Variants in MYO1B observed in about 807,000 individuals in gnomAD.
The protein encoded by MYO1B is unconventional myosin-Ib.
MYO1B carries 72 observed loss-of-function variants against 159.7 expected under a neutral mutation model. The ratio of observed to expected loss-of-function variants is 0.45; its 90% CI spans 0.37 to 0.55. MYO1B has a LOEUF of 0.55. MYO1B is among the 20% of genes least tolerant of loss of function. The pLI is 0.00. For missense variants in MYO1B, 1,062 were observed against 1,364.8 expected (o/e 0.78, Z 3.50); for synonymous variants, 468 against 473.8 (o/e 0.99, Z 0.16).
Position 191,387,228 on chromosome 2 carries a change from T to G in MYO1B, c.1559T>G (p.Leu520Arg). 2.5e-6 allele frequency: 4 copies of G among 1,613,812 alleles called. No homozygotes were observed. Among genetic ancestry groups the G allele is most frequent in the Non-Finnish European group, 3.4e-6 (4 of 1,179,752 alleles). The change falls in exon 17 of 31, where the codon CTG (leucine) becomes CGG (arginine). Residue 520 changes from leucine to arginine, a missense_variant. Physicochemically the swap from Leu to Arg is moderately radical, Grantham distance 102. Transcript: ENST00000392318. ...FRIQHYAGKVLYQVEGFVDKN... is the reference protein window; with the variant it reads ...FRIQHYAGKVRYQVEGFVDKN... ...AGTTACATGTGCTGCTTATAGGTGC[T>G]GTACCAGGTGGAAGGATTCGTTGAC...
intron 4 of MYO1B, among the ~76,000 whole-genome samples, chr2:191,330,494 T>C (rs997366630): frequency 6.6e-5 from 10 of 152,246 alleles, no homozygotes; most frequent in Non-Finnish European, 1.5e-4. Flanking sequence ...GATTTTTATA[T>C]GTATTTTTTA....
intron 4 of MYO1B, among the ~76,000 whole-genome samples, chr2:191,333,390 A>G (rs748110757): frequency 1.6e-4 from 24 of 152,318 alleles, no homozygotes; most frequent in Non-Finnish European, 3.1e-4. Context: ...TCTGATCTCA[A>G]TAAATGAGAC....
At chr2:191,375,808 A>G (rs1022977208) in intron 13 of MYO1B, among the ~76,000 whole-genome samples, 2 of 151,936 alleles carry the variant, frequency 1.3e-5, no homozygotes, top group African/African-American at 4.8e-5. Flanking sequence ...AAAATACAAA[A>G]ATTATCCAGG....
chr2:191,381,124 C>G (rs1695017039), intron 13 of MYO1B: 2 of 346,584 alleles, frequency 5.8e-6, no homozygotes, highest in Non-Finnish European at 1.1e-5. Flanking sequence ...AACTTGGTGA[C>G]AGAGATTGTG....
chr2:191,393,293 T>C lies in MYO1B; in HGVS notation c.2226+71T>C, dbSNP rs1695873021. On this transcript the variant is annotated intron_variant, in intron 20 of 30. Coordinates refer to ENST00000392318, the MANE Select transcript of MYO1B (RefSeq NM_001130158.3). ...GCCAACATTTATTATGTACTTACCA[T>C]GTATGTGATTTTTACATACTTAATT... The C allele has an allele frequency of 5.9e-6, 9 of 1,513,592 alleles. No homozygotes were observed. In the Admixed American group the frequency reaches 1.3e-4, roughly 22 times the overall value. The allele number at this position is 1,513,592 out of a possible 1,614,324, so 93.8% of individuals were successfully genotyped here.
In MYO1B at chr2:191,390,386, C is replaced by A. The variant is rs530569178; in HGVS notation, c.1876C>A (p.Arg626=). ...GTACCTGGGGCTTTTGGAGAACGTC[C>A]GAGTGCGGAGGGCAGGCTACGCCTT... ...IRYLGLLENV[R]VRRAGYAFRQ... The change falls in exon 18 of 31, where the codon CGA becomes AGA. Residue 626 remains arginine (R), a synonymous_variant. Transcript: ENST00000392318. The A allele has an allele frequency of 2.0e-5, 32 of 1,614,184 alleles. No individual in the cohort carries two copies. The East Asian group carries it at 3.1e-4, about 16-fold the overall frequency.
intron 11 of MYO1B, among the ~76,000 whole-genome samples, chr2:191,368,341 C>CA (rs1480344740): frequency 2.6e-5 from 4 of 152,188 alleles, no homozygotes; most frequent in African/African-American, 7.2e-5. Flanking sequence ...AAAATAGCAA[C>CA]AAAACCTCAA....
At chr2:191,364,524 T>TG (rs1553553312) in intron 11 of MYO1B, among the ~76,000 whole-genome samples, 17 of 34,046 alleles carry the variant, frequency 5.0e-4, no homozygotes, top group African/African-American at 9.6e-4. Context: ...TAGCCCGTGG[T>TG]GTATGATCAG....
At chr2:191,313,573 A>G (rs1040152961) in intron 3 of MYO1B, among the ~76,000 whole-genome samples, 2 of 152,030 alleles carry the variant, frequency 1.3e-5, no homozygotes, top group Non-Finnish European at 1.5e-5. Context: ...TTTAGTAGAG[A>G]CGGGCTTTCA....
intron 9 of MYO1B, among the ~76,000 whole-genome samples, 156 bp downstream of exon 9, chr2:191,362,527 T>C (rs1693737365): frequency 6.6e-6 from 1 of 152,248 alleles, no homozygotes; most frequent in Non-Finnish European, 1.5e-5. Flanking sequence ...TTGATTTTTT[T>C]ACTAGCTCAA....
chr2:191,297,348 A>C (rs1343634657), intron 3 of MYO1B, among the ~76,000 whole-genome samples: 1 of 152,216 alleles, frequency 6.6e-6, no homozygotes, highest in African/African-American at 2.4e-5. Context: ...GAGTTGGTTG[A>C]TGCAGCATAA....
intron 30 of MYO1B, among the ~76,000 whole-genome samples, chr2:191,418,007 G>A (rs1559252019): frequency 6.6e-6 from 1 of 152,212 alleles, no homozygotes; most frequent in Non-Finnish European, 1.5e-5. Context: ...GTAAACAGTT[G>A]TCTGAGCGAA....
At chr2:191,383,114 G>C (rs1695139879) in intron 14 of MYO1B, among the ~76,000 whole-genome samples, 166 bp from the exon 15 acceptor site, 1 of 152,048 alleles carries the variant, frequency 6.6e-6, no homozygotes, top group Non-Finnish European at 1.5e-5. Flanking sequence ...CAGCTGCATT[G>C]AGAAAGTTTT....
intron 7 of MYO1B, among the ~76,000 whole-genome samples, chr2:191,356,337 C>CTT (rs79525897): frequency 0.28 from 29,781 of 106,198 alleles, 3,215 homozygotes; most frequent in South Asian, 0.41. Flanking sequence ...GGCTGGGCTT[C>CTT]TTTTTTTTTT....
chr2:191,272,583 C>A (rs1451392505), intron 1 of MYO1B, among the ~76,000 whole-genome samples: 3 of 152,214 alleles, frequency 2.0e-5, no homozygotes, highest in Non-Finnish European at 4.4e-5. Context: ...TGTCTCCCAC[C>A]TCCAGGCAGA....
At chr2:191,338,618 A>G (rs998268163) in intron 4 of MYO1B, among the ~76,000 whole-genome samples, 1 of 152,110 alleles carries the variant, frequency 6.6e-6, no homozygotes, top group African/African-American at 2.4e-5. Context: ...CCACCAAAAG[A>G]TTCTCATTCT....
At chr2:191,308,677 T>C (rs963755978) in intron 3 of MYO1B, among the ~76,000 whole-genome samples, 7 of 152,214 alleles carry the variant, frequency 4.6e-5, no homozygotes, top group African/African-American at 1.7e-4. Context: ...GGTATGCTTA[T>C]TGTCTCTAGT....
Position 191,377,261 on chromosome 2 carries a change from G to A in MYO1B, c.1186-4201G>A, listed in dbSNP as rs138443772. 5.9e-3 allele frequency among the ~76,000 whole-genome samples: 896 copies of A among 152,310 alleles called. 6 individuals carry two copies. The highest frequency in any genetic ancestry group is 0.024 in the Middle Eastern group (7 of 294). On this transcript the variant is annotated intron_variant, in intron 13 of 30. Coordinates refer to ENST00000392318, the MANE Select transcript of MYO1B (RefSeq NM_001130158.3). ...CCTCAGCTTCATTTAGGGAGGTTAT[G>A]TAATAGAAAGCCCAGAAGGTACTTG...
intron 1 of MYO1B, among the ~76,000 whole-genome samples, chr2:191,247,393 C>T (rs535366508): frequency 9.2e-5 from 14 of 152,178 alleles, no homozygotes; most frequent in Non-Finnish European, 1.8e-4. Flanking sequence ...AAAAAAATAT[C>T]TCCTGCCCAC....
Sources: gnomAD v4.1 joint callset for allele counts (sites outside exome capture counted in the v4.1 genomes callset) on GRCh38, gnomAD v4.1.1 for gene constraint, MANE v1.5 for transcripts, NCBI Gene and HGNC (gene_info 2026-07-23, HGNC 2026-07-21) for gene names.